MYH10: variants seen among roughly 807,000 people sequenced by gnomAD.
MYH10 encodes myosin heavy chain 10, also known as myosin-10.
In MYH10, 55 loss-of-function variants were observed where a neutral mutation model predicts 257.8. That is an observed-to-expected ratio of 0.21 (90% CI 0.17 to 0.27). MYH10 has a LOEUF of 0.27. Ranked by LOEUF, MYH10 falls within the 10% of genes least tolerant of loss-of-function variation. MYH10 has a pLI of 1.00. For synonymous variants in MYH10, 854 were observed against 921.7 expected, an observed-to-expected ratio of 0.93 and a Z score of 1.33; for missense variants, 1,631 against 2,500.6, an observed-to-expected ratio of 0.65 and a Z score of 7.42.
At chr17:8,573,429 T>C (rs540023082) in intron 6 of MYH10, among the ~76,000 whole-genome samples, 173 of 152,232 alleles carry the variant, frequency 1.1e-3, no homozygotes, top group African/African-American at 4.0e-3. Flanking sequence ...TTAAACCAGG[T>C]TGGAGAAAGA....
intron 31 of MYH10, among the ~76,000 whole-genome samples, chr17:8,494,305 C>T (rs1197445291): frequency 6.6e-6 from 1 of 152,214 alleles, no homozygotes; most frequent in African/African-American, 2.4e-5. Flanking sequence ...CAGTTATCGT[C>T]CTTTGTATTT....
intron 7 of MYH10, among the ~76,000 whole-genome samples, chr17:8,567,532 T>C (rs934367218): frequency 1.1e-4 from 16 of 152,246 alleles, no homozygotes; most frequent in Middle Eastern, 3.4e-3. Flanking sequence ...GACCTCATGA[T>C]GGAACTGTAA....
intron 17 of MYH10, among the ~76,000 whole-genome samples, chr17:8,529,575 A>G (rs998443914): frequency 2.6e-5 from 4 of 152,056 alleles, no homozygotes; most frequent in African/African-American, 9.7e-5. Flanking sequence ...GTTCCGTAGA[A>G]TTTTCATTCC....
At chr17:8,505,456 GT>G (rs1166262097) in intron 27 of MYH10, among the ~76,000 whole-genome samples, 2 of 152,304 alleles carry the variant, frequency 1.3e-5, no homozygotes, top group Non-Finnish European at 2.9e-5. Context: ...TAGTTGGGAT[GT>G]TTGAGGTAAG....
In MYH10 at chr17:8,477,282, A is replaced by G. The variant is rs1912836441; in HGVS notation, c.5707-234T>C. On this transcript the variant is annotated intron_variant, in intron 41 of 42. Transcript: ENST00000360416. The surrounding 1 kb of genome is among the most constrained non-coding windows in gnomAD (Gnocchi z 4.2). ...GCCAAAAGAAATGAAAAAGTACTCA[A>G]GACTCTGTTTTTACCAGTGAGTTTT... Among the ~76,000 whole-genome samples the G allele has an allele frequency of 1.3e-5, 2 of 152,098 alleles. No homozygotes were observed. Among genetic ancestry groups the G allele is most frequent in the South Asian group, 2.1e-4 (1 of 4,832 alleles).
At chr17:8,568,528 T>C (rs1265873340) in intron 7 of MYH10, among the ~76,000 whole-genome samples, 1 of 151,952 alleles carries the variant, frequency 6.6e-6, no homozygotes, top group Non-Finnish European at 1.5e-5. Flanking sequence ...ATCAATGAAC[T>C]GCTAGAACTG....
chr17:8,556,153 C>T (rs897991148), intron 7 of MYH10, among the ~76,000 whole-genome samples: 2 of 152,188 alleles, frequency 1.3e-5, no homozygotes, highest in African/African-American at 4.8e-5. Context: ...TACAGAATAA[C>T]TAGAACTATC....
At chr17:8,589,016 C>A in intron 4 of MYH10, 65 bp downstream of exon 4, 4 of 1,524,062 alleles carry the variant, frequency 2.6e-6, no homozygotes, top group Admixed American at 1.7e-5. Flanking sequence ...TCCCCCCAGA[C>A]AAAAATAGTT....
intron 37 of MYH10, among the ~76,000 whole-genome samples, 185 bp downstream of exon 37, chr17:8,483,953 C>T (rs935158067): frequency 3.3e-5 from 5 of 151,696 alleles, no homozygotes; most frequent in Middle Eastern, 3.4e-3. Context: ...TGATAACTTT[C>T]TGTTTCCAAA....
intron 37 of MYH10, among the ~76,000 whole-genome samples, 155 bp downstream of exon 37, chr17:8,483,983 G>A (rs562046255): frequency 6.6e-6 from 1 of 152,264 alleles, no homozygotes; most frequent in East Asian, 1.9e-4. Flanking sequence ...CAAGAAGGTT[G>A]AGGACCATAT....
At position 8,518,893 on chromosome 17, in the gene MYH10, G is replaced by A. The variant is rs1295267827; in HGVS notation, c.2331C>T (p.Ala777=). The A allele has an allele frequency of 6.2e-7, 1 of 1,610,522 alleles. No individual in the cohort carries two copies. The highest frequency in any genetic ancestry group is 2.2e-5 in the East Asian group (1 of 44,852). ...AAGAAAACCTTACCATTCGTTCACAGGCCTGTTTACCATCCATAAAACCTT... is the reference window on the plus strand; with the variant it reads ...AAGAAAACCTTACCATTCGTTCACAAGCCTGTTTACCATCCATAAAACCTT... ...IPKGFMDGKQ[A]CERMIRALEL... Residue 777 remains alanine (A), a synonymous_variant, in exon 20 of 43, where the codon GCC becomes GCT. Coordinates refer to ENST00000360416, the MANE Select transcript of MYH10 (RefSeq NM_001256012.3).
intron 3 of MYH10, among the ~76,000 whole-genome samples, chr17:8,594,745 A>T (rs447232): frequency 0.97 from 147,818 of 152,286 alleles, 71,907 homozygotes; most frequent in Middle Eastern, 1. Context: ...AGTATCTGCA[A>T]ATACCCTACA....
intron 7 of MYH10, among the ~76,000 whole-genome samples, chr17:8,556,007 G>A (rs1216761590): frequency 1.3e-5 from 2 of 152,196 alleles, no homozygotes; most frequent in Non-Finnish European, 2.9e-5. Flanking sequence ...CAAAAGATAT[G>A]TGAATGGCCA....
chr17:8,520,030 C>T (rs2081600916), intron 19 of MYH10, among the ~76,000 whole-genome samples: 1 of 152,036 alleles, frequency 6.6e-6, no homozygotes, highest in Non-Finnish European at 1.5e-5. Flanking sequence ...TATACACATA[C>T]ATTGGAAAAA....
chr17:8,548,441 T>C (rs747316231), intron 10 of MYH10, 33 bp from the exon 11 acceptor site: 2 of 1,485,402 alleles, frequency 1.3e-6, no homozygotes, highest in South Asian at 2.4e-5. Context: ...AAAAAATTAA[T>C]ATTGCCTCAA....
chr17:8,476,797 C>T, intron 42 of MYH10, 79 bp downstream of exon 42: 3 of 1,472,246 alleles, frequency 2.0e-6, no homozygotes, highest in Non-Finnish European at 2.7e-6. Context: ...AAGTAAACTT[C>T]CTCTGACCAG....
intron 4 of MYH10, among the ~76,000 whole-genome samples, chr17:8,583,265 T>C (rs1480656292): frequency 6.6e-6 from 1 of 152,228 alleles, no homozygotes; most frequent in African/African-American, 2.4e-5. Context: ...TACAAGTTGA[T>C]TTGATACTTC....
At chr17:8,554,183 T>C in intron 7 of MYH10, 165 bp from the exon 8 acceptor site, 1 of 444,570 alleles carries the variant, frequency 2.2e-6, no homozygotes, top group South Asian at 3.7e-5. Flanking sequence ...CTGTGATACA[T>C]TTCAAAAAAG....
At chr17:8,568,555 C>T (rs918042439) in intron 7 of MYH10, among the ~76,000 whole-genome samples, 1 of 151,830 alleles carries the variant, frequency 6.6e-6, no homozygotes, top group Admixed American at 6.6e-5. Context: ...CTTACTCTGG[C>T]GTTCTTGACT....
Sources: gnomAD v4.1 joint callset for allele counts (sites outside exome capture counted in the v4.1 genomes callset) on GRCh38, gnomAD v4.1.1 for gene constraint, Gnocchi (gnomAD v3.1) non-coding constraint, MANE v1.5 for transcripts, NCBI Gene and HGNC (gene_info 2026-07-23, HGNC 2026-07-21) for gene names.